The following LRCOL1 variants were observed in gnomAD, a reference collection of about 807,000 sequenced individuals.
The protein encoded by LRCOL1 is leucine rich colipase like 1, also known as leucine-rich colipase-like protein 1.
Under a neutral mutation model 21.6 loss-of-function variants are expected in LRCOL1, and 21 were observed. That is an observed-to-expected ratio of 0.97 (90% CI 0.69 to 1.40). LRCOL1 has a LOEUF of 1.40. Ranked by LOEUF, LRCOL1 falls within the 40% of genes most tolerant of loss-of-function variation. The pLI is 0.00. For synonymous variants in LRCOL1, 98 were observed against 90.1 expected, an observed-to-expected ratio of 1.09 and a Z score of -0.49; for missense variants, 198 against 202.3, an observed-to-expected ratio of 0.98 and a Z score of 0.13.
intron 1 of LRCOL1, among the ~76,000 whole-genome samples, chr12:132,609,236 A>G (rs1566280992): frequency 6.6e-6 from 1 of 152,218 alleles, no homozygotes; most frequent in African/African-American, 2.4e-5. Flanking sequence ...AGAGTCGTCA[A>G]ACCTACAGAG....
Position 132,603,276 on chromosome 12 carries a change from G to C in LRCOL1, c.*126C>G, listed in dbSNP as rs996814032. 7.1e-7 allele frequency: 1 copy of C among 1,401,890 alleles called. No homozygotes were observed. The highest frequency in any genetic ancestry group is 1.4e-5 in the African/African-American group (1 of 69,498). The allele number at this position is 1,401,890 out of a possible 1,614,324, so 86.8% of individuals were successfully genotyped here. On this transcript the variant is annotated 3_prime_UTR_variant, in exon 6 of 6. Transcript: ENST00000376608. ...GCCTTTCAGTTCCCACAGATTTTCA[G>C]AGCCCCAGAAACAGCAGCACAAACC... is the stretch of plus-strand genomic sequence containing the variant.
chr12:132,609,615 TGAACCCTG>T (rs1419761752), intron 1 of LRCOL1, among the ~76,000 whole-genome samples: 1 of 152,156 alleles, frequency 6.6e-6, no homozygotes, highest in Non-Finnish European at 1.5e-5. Context: ...GAGAATCGCT[TGAACCCTG>T]GAGGCAAAGG....
At chr12:132,609,406 A>G (rs1235869683) in intron 1 of LRCOL1, among the ~76,000 whole-genome samples, 1 of 152,252 alleles carries the variant, frequency 6.6e-6, no homozygotes, top group Non-Finnish European at 1.5e-5. Flanking sequence ...CTTAAAAATC[A>G]TTAAGACGGC....
intron 2 of LRCOL1, chr12:132,605,139 A>G: frequency 1.7e-6 from 2 of 1,166,174 alleles, no homozygotes; most frequent in South Asian, 2.2e-5. Flanking sequence ...CTGGCATTTT[A>G]CAGGAGAAGA....
chr12:132,604,479 A>T lies in LRCOL1; in HGVS notation c.337T>A (p.Cys113Ser), dbSNP rs1180442059. Residue 113 changes from cysteine to serine, a missense_variant, in exon 4 of 6, where the codon TGT (cysteine) becomes AGT (serine). Cys to Ser is a moderately radical substitution (Grantham distance 112). Transcript: ENST00000376608. ...LCTPQSVFLQ[C>S]VPWRKPNGDF... ...CAGCTCACCTTGCGCCAGGGCACAC[A>T]CTGCAGGAAGACGCTTTGGGGCGTG... 4 of 1,536,002 alleles carry T rather than the reference A, an allele frequency of 2.6e-6. No individual in the cohort carries two copies. Among genetic ancestry groups the T allele is most frequent in the South Asian group, 2.4e-5 (2 of 84,062 alleles).
intron 2 of LRCOL1, 71 bp from the exon 3 acceptor site, chr12:132,604,902 C>T: frequency 6.7e-7 from 1 of 1,503,678 alleles, no homozygotes; most frequent in East Asian, 2.5e-5. Flanking sequence ...TCAGGAAAGG[C>T]CTGCCCTCTC....
At position 132,605,101 on chromosome 12, in the gene LRCOL1, G is replaced by C. The variant is rs1038989963; in HGVS notation, c.106-270C>G. ...GGGCAAGGATGCAGCAGCAGAGCAT[G>C]GGTGAAGCTCTCAGGCCAGCCCAGT... On this transcript the variant is annotated intron_variant, in intron 2 of 5. Coordinates refer to ENST00000376608, the MANE Select transcript of LRCOL1 (RefSeq NM_001195520.2). 5 of 1,271,702 alleles carry C rather than the reference G, an allele frequency of 3.9e-6. No homozygotes were observed. In the African/African-American group the frequency reaches 7.6e-5, roughly 19 times the overall value. The allele number at this position is 1,271,702 out of a possible 1,614,324, so 78.8% of individuals were successfully genotyped here.
chr12:132,610,114 G>A (rs1269838401), intron 1 of LRCOL1, among the ~76,000 whole-genome samples: 6 of 152,180 alleles, frequency 3.9e-5, no homozygotes, highest in Admixed American at 2.0e-4. Flanking sequence ...GGGCAGGGCC[G>A]GGCACCTGGC....
In LRCOL1 at chr12:132,606,408, A is replaced by G. The variant is rs2041311297; in HGVS notation, c.-13-144T>C. On this transcript the variant is annotated intron_variant, in intron 1 of 5. Transcript: ENST00000376608. This position sits in a 1 kb window ranked among gnomAD's most constrained non-coding sequence, Gnocchi z 4.6. ...GACTTTTAAAAACTTAATGGACTTT[A>G]TTTTCTAAAGCAGTTTTATGCTTAC... The G allele has an allele frequency of 9.8e-6, 7 of 713,982 alleles. No individual in the cohort carries two copies. In the East Asian group the frequency reaches 2.0e-4, roughly 20 times the overall value. 44.2% of individuals were successfully genotyped at this position (713,982 alleles called of 1,614,324 possible).
chr12:132,609,156 G>A (rs2041347204), intron 1 of LRCOL1, among the ~76,000 whole-genome samples: 2 of 152,224 alleles, frequency 1.3e-5, no homozygotes, highest in African/African-American at 4.8e-5. Context: ...CCACCCTGAG[G>A]ACCTGATGCT....
At chr12:132,608,888 G>A (rs1408081187) in intron 1 of LRCOL1, among the ~76,000 whole-genome samples, 2 of 152,120 alleles carry the variant, frequency 1.3e-5, no homozygotes. Context: ...AAGTTCACAG[G>A]CTTCGTTTCC....
Position 132,606,236 on chromosome 12 carries a change from AC to A in LRCOL1, c.15del (p.Trp6GlyfsTer25), listed in dbSNP as rs1360693932. 1 of 1,536,092 alleles carries A rather than the reference AC, an allele frequency of 6.5e-7. No individual in the cohort carries two copies. ...AGCAGCAGCAGTAGCAGCAGCGTCC[AC>A]CCCGGGCCGGCCATCGGGTGTGTGG... MAGPGWTLLLLLLLL... is the reference protein window; with the variant it reads MAGPXWTLLLLLLLL... On this transcript the variant is annotated frameshift_variant, in exon 2 of 6. Coordinates refer to ENST00000376608, the MANE Select transcript of LRCOL1 (RefSeq NM_001195520.2). LOFTEE classifies it high-confidence loss of function. This position sits in a 1 kb window ranked among gnomAD's most constrained non-coding sequence, Gnocchi z 4.6.
chr12:132,609,890 C>T (rs948597293), intron 1 of LRCOL1, among the ~76,000 whole-genome samples: 1 of 152,144 alleles, frequency 6.6e-6, no homozygotes, highest in Non-Finnish European at 1.5e-5. Context: ...TGGATCAGAC[C>T]CTTCTTCAGT....
At chr12:132,607,346 T>C (rs1442679591) in intron 1 of LRCOL1, among the ~76,000 whole-genome samples, 1 of 152,066 alleles carries the variant, frequency 6.6e-6, no homozygotes, top group Non-Finnish European at 1.5e-5. Flanking sequence ...CAGACCAAGA[T>C]CAACACAAAA....
Position 132,606,059 on chromosome 12 carries a change from G to T in LRCOL1, c.105+88C>A. ...ACGGAAAGTGGCAGCCCTCGCGGGTGGGGACTGCAAGGGCCTCAGGGGCGC... is the reference window on the plus strand; with the variant it reads ...ACGGAAAGTGGCAGCCCTCGCGGGTTGGGACTGCAAGGGCCTCAGGGGCGC... On this transcript the variant is annotated intron_variant, in intron 2 of 5. Coordinates refer to ENST00000376608, the MANE Select transcript of LRCOL1 (RefSeq NM_001195520.2). The surrounding 1 kb of genome is among the most constrained non-coding windows in gnomAD (Gnocchi z 4.6). 2 of 1,249,616 alleles carry T rather than the reference G, an allele frequency of 1.6e-6. No homozygotes were observed. The highest frequency in any genetic ancestry group is 1.5e-5 in the African/African-American group (1 of 67,202). 77.4% of individuals were successfully genotyped at this position (1,249,616 alleles called of 1,614,324 possible).
rs2041304949 is a variant in LRCOL1, at chr12:132,606,071, G to A, written c.105+76C>T. ...AGCCCTCGCGGGTGGGGACTGCAAGGGCCTCAGGGGCGCCCGGCACCCACC... is the reference window on the plus strand; with the variant it reads ...AGCCCTCGCGGGTGGGGACTGCAAGAGCCTCAGGGGCGCCCGGCACCCACC... On this transcript the variant is annotated intron_variant, in intron 2 of 5. Transcript: ENST00000376608. The surrounding 1 kb of genome is among the most constrained non-coding windows in gnomAD (Gnocchi z 4.6). The A allele has an allele frequency of 7.1e-7, 1 of 1,409,724 alleles. No homozygotes were observed. The highest frequency in any genetic ancestry group is 9.7e-7 in the Non-Finnish European group (1 of 1,036,254). The allele number at this position is 1,409,724 out of a possible 1,614,324, so 87.3% of individuals were successfully genotyped here.
rs994030696 is a variant in LRCOL1 at position 132,604,445 on chromosome 12, G to T, written c.354+17C>A. The T allele has an allele frequency of 4.3e-5, 66 of 1,528,488 alleles. 1 individual carries two copies. Among genetic ancestry groups the T allele is most frequent in the Non-Finnish European group, 5.3e-5 (61 of 1,144,982 alleles). 94.7% of individuals were successfully genotyped at this position (1,528,488 alleles called of 1,614,324 possible). A position where few individuals can be genotyped will look rare whatever the true frequency, so the allele number is the denominator to read the frequency against. ...CGGCTACCCCTGCTCCATCTGCCCC[G>T]GGTGCCCGCAGCTCACCTTGCGCCA... On this transcript the variant is annotated intron_variant, in intron 4 of 5. Transcript: ENST00000376608.
At chr12:132,607,567 T>C (rs1316004032) in intron 1 of LRCOL1, among the ~76,000 whole-genome samples, 1 of 152,182 alleles carries the variant, frequency 6.6e-6, no homozygotes, top group African/African-American at 2.4e-5. Context: ...GCCAGGGGGC[T>C]GGGCAGGGTC....
chr12:132,606,234 C>G lies in LRCOL1; in HGVS notation c.18G>C (p.Trp6Cys). 6.5e-7 allele frequency: 1 copy of G among 1,536,466 alleles called. No individual in the cohort carries two copies. The highest frequency in any genetic ancestry group is 8.7e-7 in the Non-Finnish European group (1 of 1,146,862). MAGPG[W>C]TLLLLLLLLL... is the part of the protein sequence containing the mutation. ...GCAGCAGCAGCAGTAGCAGCAGCGT[C>G]CACCCCGGGCCGGCCATCGGGTGTG... The change falls in exon 2 of 6, where the codon TGG becomes TGC. Residue 6 changes from tryptophan (W) to cysteine (C), a missense_variant. By Grantham distance (215) the Trp-to-Cys change is radical (BLOSUM62 -2). Coordinates refer to ENST00000376608, the MANE Select transcript of LRCOL1 (RefSeq NM_001195520.2). The surrounding 1 kb of genome is among the most constrained non-coding windows in gnomAD (Gnocchi z 4.6).
Sources: allele counts gnomAD v4.1 joint callset (sites outside exome capture counted in the v4.1 genomes callset), GRCh38; gene constraint gnomAD v4.1.1; non-coding constraint Gnocchi (gnomAD v3.1); transcripts MANE v1.5; gene names NCBI Gene and HGNC (gene_info 2026-07-23, HGNC 2026-07-21).